CHML: variants seen among roughly 807,000 people sequenced by gnomAD.
CHML encodes the protein rab proteins geranylgeranyltransferase component A 2.
In CHML, 20 loss-of-function variants were observed where a neutral mutation model predicts 30.4. The ratio of observed to expected loss-of-function variants is 0.66; its 90% CI spans 0.46 to 0.95. The LOEUF (loss-of-function observed/expected upper bound fraction) is 0.95. CHML is among the 40% of genes least tolerant of loss of function. CHML has a pLI of 0.00. For missense variants in CHML, 795 were observed against 768.5 expected (o/e 1.03, Z -0.41); for synonymous variants, 281 against 275.0 (o/e 1.02, Z -0.22).
At chr1:241,638,110 G>A (rs928715187) in intron 1 of CHML, among the ~76,000 whole-genome samples, 7 of 152,138 alleles carry the variant, frequency 4.6e-5, no homozygotes, top group African/African-American at 1.7e-4. Flanking sequence ...TTAAGTCTCG[G>A]AATCTCTTAT....
In CHML at chr1:241,629,869, A is replaced by C. The variant is rs953325522; in HGVS notation, c.*3927T>G. 1 of 152,206 alleles carries C rather than the reference A, an allele frequency of 6.6e-6. No individual in the cohort carries two copies. Among genetic ancestry groups the C allele is most frequent in the African/African-American group, 2.4e-5 (1 of 41,556 alleles). 9.4% of individuals were successfully genotyped at this position (152,206 alleles called of 1,614,324 possible). A position where few individuals can be genotyped will look rare whatever the true frequency, so the allele number is the denominator to read the frequency against. Reference sequence around the variant, plus strand: ...TACTTGGCACCACAGAATATTCAGAAAGGTTGCTTAATAGCATGTTTTAAG... The same window carrying C: ...TACTTGGCACCACAGAATATTCAGACAGGTTGCTTAATAGCATGTTTTAAG... On this transcript the variant is annotated 3_prime_UTR_variant, in exon 2 of 2. Transcript: ENST00000366553.
chr1:241,640,070 A>ACCAGCAGGTTGTTGCCGACGC lies in CHML; in HGVS notation c.-517_-497dup. 6.2e-7 allele frequency: 1 copy of ACCAGCAGGTTGTTGCCGACGC among 1,611,372 alleles called. No homozygotes were observed. The highest frequency in any genetic ancestry group is 8.5e-7 in the Non-Finnish European group (1 of 1,179,032). The stretch of plus-strand genomic sequence containing the variant: ...CTGGAACTTGTAGTAGAGGACGAGC[A>ACCAGCAGGTTGTTGCCGACGC]CCAGCAGGTTGTTGCCGACGCCCAG... On this transcript the variant is annotated 5_prime_UTR_variant, in exon 1 of 2. Coordinates refer to ENST00000366553, the MANE Select transcript of CHML (RefSeq NM_001381853.1).
chr1:241,640,335 T>C lies in CHML; in HGVS notation c.-761A>G. The C allele has an allele frequency of 2.8e-6, 3 of 1,069,568 alleles. No homozygotes were observed. The highest frequency in any genetic ancestry group is 4.5e-5 in the South Asian group (1 of 22,086). The allele number at this position is 1,069,568 out of a possible 1,614,324, so 66.3% of individuals were successfully genotyped here. On this transcript the variant is annotated 5_prime_UTR_variant, in exon 1 of 2. Coordinates refer to ENST00000366553, the MANE Select transcript of CHML (RefSeq NM_001381853.1). Reference sequence around the variant, plus strand: ...CGGCGCGCTCCGCACTGGGTGGGGTTGGGGCTCCGCCGCCTGCTCTAGCCA... The same window carrying C: ...CGGCGCGCTCCGCACTGGGTGGGGTCGGGGCTCCGCCGCCTGCTCTAGCCA...
rs1465662320 is a variant in CHML at position 241,634,746 on chromosome 1, G to A, written c.1021C>T (p.His341Tyr). Reference protein sequence around the residue: ...LTPNLQHFVLHSIAMTSESSC... With the variant: ...LTPNLQHFVLYSIAMTSESSC... The stretch of plus-strand genomic sequence containing the variant: ...GATTCTGATGTCATTGCAATTGAGT[G>A]CAGTACAAAATGTTGAAGGTTGGGA... Residue 341 changes from histidine (H) to tyrosine (Y), a missense_variant, in exon 2 of 2, where the codon CAC (histidine) becomes TAC (tyrosine). Coordinates refer to ENST00000366553, the MANE Select transcript of CHML (RefSeq NM_001381853.1). The A allele has an allele frequency of 5.6e-6, 9 of 1,613,950 alleles. 1 individual carries two copies. In the South Asian group the frequency reaches 7.7e-5, roughly 14 times the overall value.
chr1:241,634,030 C>G lies in CHML; in HGVS notation c.1737G>C (p.Gly579=), dbSNP rs199737234. ...GCTCATTTCCCAGGCCACAGTCAGG[C>G]CCAGAGCAGACATAAACATTGGAAG... is the stretch of plus-strand genomic sequence containing the variant. ...GLPSNVYVCS[G]PDCGLGNEHA... is the part of the protein sequence containing the mutation. Residue 579 remains glycine, a synonymous_variant, in exon 2 of 2, where the codon GGG becomes GGC. Transcript: ENST00000366553. 1.9e-6 allele frequency: 3 copies of G among 1,613,496 alleles called. No individual in the cohort carries two copies. The highest frequency in any genetic ancestry group is 2.7e-5 in the African/African-American group (2 of 74,892).
chr1:241,630,389 C>G lies in CHML; in HGVS notation c.*3407G>C, dbSNP rs543547045. ...TAGTTATATAACTTTCTTTAAAAGT[C>G]TCATATATATTAATAACCAAACACA... On this transcript the variant is annotated 3_prime_UTR_variant, in exon 2 of 2. Coordinates refer to ENST00000366553, the MANE Select transcript of CHML (RefSeq NM_001381853.1). The G allele has an allele frequency of 1.3e-5, 2 of 152,142 alleles. No homozygotes were observed. Among genetic ancestry groups the G allele is most frequent in the African/African-American group, 2.4e-5 (1 of 41,554 alleles). The allele number at this position is 152,142 out of a possible 1,614,324, so 9.4% of individuals were successfully genotyped here. A position where few individuals can be genotyped will look rare whatever the true frequency, so the allele number is the denominator to read the frequency against.
chr1:241,635,756 T>A lies in CHML; in HGVS notation c.11A>T (p.Asn4Ile), dbSNP rs112169514. Residue 4 changes from asparagine to isoleucine, a missense_variant, in exon 2 of 2, where the codon AAT becomes ATT. By Grantham distance (149) the Asn-to-Ile change is moderately radical. Transcript: ENST00000366553. MAD[N>I]LPTEFDVVII... ...AACCACATCAAACTCTGTGGGAAGA[T>A]TGTCCGCCATTTTAGGAAGTAACAG... is the stretch of plus-strand genomic sequence containing the variant. The A allele has an allele frequency of 6.2e-7, 1 of 1,608,292 alleles. No homozygotes were observed. Among genetic ancestry groups the A allele is most frequent in the Admixed American group, 1.7e-5 (1 of 59,572 alleles).
chr1:241,635,116 A>G lies in CHML; in HGVS notation c.651T>C (p.Ile217=). Residue 217 remains isoleucine (I), a synonymous_variant, in exon 2 of 2, where the codon ATT becomes ATC. Transcript: ENST00000366553. ...CTTCTTTAACTATTTGAGAGTAAGTAATCCTATTTCTAATTGGTTCATCGG... is the reference window on the plus strand; with the variant it reads ...CTTCTTTAACTATTTGAGAGTAAGTGATCCTATTTCTAATTGGTTCATCGG... ...DKADEPIRNR[I]TYSQIVKEGR... The G allele has an allele frequency of 6.2e-7, 1 of 1,612,840 alleles. No individual in the cohort carries two copies. Among genetic ancestry groups the G allele is most frequent in the Non-Finnish European group, 8.5e-7 (1 of 1,179,890 alleles).
Position 241,634,638 on chromosome 1 carries a change from A to C in CHML, c.1129T>G (p.Phe377Val). 1.2e-6 allele frequency: 2 copies of C among 1,613,972 alleles called. No homozygotes were observed. The highest frequency in any genetic ancestry group is 1.7e-6 in the Non-Finnish European group (2 of 1,179,878). The change falls in exon 2 of 2, where the codon TTT (phenylalanine) becomes GTT (valine). Residue 377 changes from phenylalanine (F) to valine (V), a missense_variant. Phe to Val is a conservative substitution (Grantham distance 50). Transcript: ENST00000366553. ...LGRFGNTPFL[F>V]PLYGQGEIPQ... ...ATTTCTCCTTGGCCATACAAGGGAA[A>C]TAAAAAGGGGGTGTTGCCAAACCGT... is the stretch of plus-strand genomic sequence containing the variant.
At chr1:241,637,499 G>T (rs948541004) in intron 1 of CHML, among the ~76,000 whole-genome samples, 1 of 152,152 alleles carries the variant, frequency 6.6e-6, no homozygotes, top group African/African-American at 2.4e-5. Context: ...TTCCAGCAGG[G>T]TGTGAAGATG....
chr1:241,637,653 A>G (rs894531851), intron 1 of CHML, among the ~76,000 whole-genome samples: 15 of 152,178 alleles, frequency 9.9e-5, no homozygotes, highest in Non-Finnish European at 1.8e-4. Context: ...TAACCTACAG[A>G]TATCAAAGGG....
At position 241,640,120 on chromosome 1, in the gene CHML, C is replaced by T. The variant is rs141533532; in HGVS notation, c.-546G>A. 4.0e-5 allele frequency: 64 copies of T among 1,596,912 alleles called. No individual in the cohort carries two copies. In the African/African-American group the frequency reaches 6.7e-4, roughly 17 times the overall value. On this transcript the variant is annotated 5_prime_UTR_variant, in exon 1 of 2. Transcript: ENST00000366553. ...GCAGCCCAATGGAGCCCAGCAGCAG[C>T]GCCAGGCGCTCGTAGGTGCCGGGGC...
In CHML at chr1:241,634,268, G is replaced by A. The variant is rs752377996; in HGVS notation, c.1499C>T (p.Thr500Ile). ...RVTELCSSTM[T>I]CMKDTYLVHL... is the part of the protein sequence containing the mutation. ...TACCAGATAGGTGTCCTTCATGCAT[G>A]TCATGGTTGAAGAACATAATTCTGT... is the stretch of plus-strand genomic sequence containing the variant. The change falls in exon 2 of 2, where the codon ACA becomes ATA. Residue 500 changes from threonine (T) to isoleucine (I), a missense_variant. By Grantham distance (89) the Thr-to-Ile change is moderately conservative. Transcript: ENST00000366553. 3 of 1,613,930 alleles carry A rather than the reference G, an allele frequency of 1.9e-6. No homozygotes were observed. The highest frequency in any genetic ancestry group is 3.3e-5 in the Admixed American group (2 of 60,002).
Position 241,630,773 on chromosome 1 carries a change from A to T in CHML, c.*3023T>A, listed in dbSNP as rs1366332355. The T allele has an allele frequency of 6.6e-6, 1 of 152,122 alleles. No individual in the cohort carries two copies. The highest frequency in any genetic ancestry group is 1.5e-5 in the Non-Finnish European group (1 of 67,966). 9.4% of individuals were successfully genotyped at this position (152,122 alleles called of 1,614,324 possible). A position where few individuals can be genotyped will look rare whatever the true frequency, so the allele number is the denominator to read the frequency against. The stretch of plus-strand genomic sequence containing the variant: ...TTAAATCATTGCCAGAGAAATAATT[A>T]AATCAAGGGTGAATGATGAATTTTT... On this transcript the variant is annotated 3_prime_UTR_variant, in exon 2 of 2. Transcript: ENST00000366553.
intron 1 of CHML, chr1:241,639,288 C>T (rs1443089502): frequency 6.6e-6 from 1 of 152,212 alleles, no homozygotes; most frequent in Non-Finnish European, 1.5e-5. Context: ...AGGGCACATG[C>T]CAATTTGCAT....
rs1299743778 is a variant in CHML at position 241,632,325 on chromosome 1, GGT to G, written c.*1469_*1470del. ...TTTTTCTTTACAAATTACCATCTCA[GGT>G]GTGTCTTTATCAACAGCATGAGAAC... On this transcript the variant is annotated 3_prime_UTR_variant, in exon 2 of 2. Coordinates refer to ENST00000366553, the MANE Select transcript of CHML (RefSeq NM_001381853.1). 6.6e-6 allele frequency: 1 copy of G among 152,176 alleles called. No individual in the cohort carries two copies. The highest frequency in any genetic ancestry group is 2.4e-5 in the African/African-American group (1 of 41,420). 9.4% of individuals were successfully genotyped at this position (152,176 alleles called of 1,614,324 possible). A position where few individuals can be genotyped will look rare whatever the true frequency, so the allele number is the denominator to read the frequency against.
At position 241,630,869 on chromosome 1, in the gene CHML, T is replaced by C. The variant is rs1347758555; in HGVS notation, c.*2927A>G. On this transcript the variant is annotated 3_prime_UTR_variant, in exon 2 of 2. Transcript: ENST00000366553. ...TTTGATGCTGATTTAATGGCTGTTCTGCTTAACACCAGCCTTATAATCCTG... is the reference window on the plus strand; with the variant it reads ...TTTGATGCTGATTTAATGGCTGTTCCGCTTAACACCAGCCTTATAATCCTG... The C allele has an allele frequency of 6.6e-6, 1 of 152,162 alleles. No individual in the cohort carries two copies. The highest frequency in any genetic ancestry group is 1.9e-4 in the East Asian group (1 of 5,204). The allele number at this position is 152,162 out of a possible 1,614,324, so 9.4% of individuals were successfully genotyped here. A position where few individuals can be genotyped will look rare whatever the true frequency, so the allele number is the denominator to read the frequency against.
In CHML at chr1:241,628,981, C is replaced by T. The variant is rs1053834946; in HGVS notation, c.*4815G>A. The T allele has an allele frequency of 5.2e-5, 8 of 152,628 alleles. No homozygotes were observed. Among genetic ancestry groups the T allele is most frequent in the African/African-American group, 1.9e-4 (8 of 41,542 alleles). The allele number at this position is 152,628 out of a possible 1,614,324, so 9.5% of individuals were successfully genotyped here. ...ATCTTCTGATTCTTTTCAATGTAGA[C>T]CTAAATTTTCACATGTATCAGTAAA... On this transcript the variant is annotated 3_prime_UTR_variant, in exon 2 of 2. Transcript: ENST00000366553.
At position 241,629,926 on chromosome 1, in the gene CHML, C is replaced by T. The variant is rs1302526828; in HGVS notation, c.*3870G>A. 2 of 151,722 alleles carry T rather than the reference C, an allele frequency of 1.3e-5. No individual in the cohort carries two copies. Among genetic ancestry groups the T allele is most frequent in the Non-Finnish European group, 2.9e-5 (2 of 67,838 alleles). The allele number at this position is 151,722 out of a possible 1,614,324, so 9.4% of individuals were successfully genotyped here. A position where few individuals can be genotyped will look rare whatever the true frequency, so the allele number is the denominator to read the frequency against. On this transcript the variant is annotated 3_prime_UTR_variant, in exon 2 of 2. Transcript: ENST00000366553. ...GAGAGCAAGGCTCCCATTTTTTCCCCCTAAATTAAAAAAACTTACATCTTT... is the reference window on the plus strand; with the variant it reads ...GAGAGCAAGGCTCCCATTTTTTCCCTCTAAATTAAAAAAACTTACATCTTT...
Sources: allele counts gnomAD v4.1 joint callset (sites outside exome capture counted in the v4.1 genomes callset), GRCh38; gene constraint gnomAD v4.1.1; transcripts MANE v1.5; gene names NCBI Gene and HGNC (gene_info 2026-07-23, HGNC 2026-07-21).